AEBP2: variants seen among roughly 807,000 people sequenced by gnomAD.
AEBP2 encodes zinc finger protein AEBP2.
AEBP2 carries 10 observed loss-of-function variants against 50.8 expected under a neutral mutation model. The observed-to-expected ratio is 0.20, with a 90% CI of 0.12 to 0.33. The LOEUF is 0.33. AEBP2 is among the 10% of genes least tolerant of loss of function. The pLI, the probability that AEBP2 is intolerant of heterozygous loss-of-function variation, is 1.00. For missense variants in AEBP2, 570 were observed against 688.0 expected, an observed-to-expected ratio of 0.83 and a Z score of 1.92; for synonymous variants, 296 against 261.3, an observed-to-expected ratio of 1.13 and a Z score of -1.28.
chr12:19,477,050 T>C (rs920057386), intron 3 of AEBP2, among the ~76,000 whole-genome samples: 2 of 152,202 alleles, frequency 1.3e-5, no homozygotes, highest in African/African-American at 2.4e-5. Context: ...GGTATATTCC[T>C]AAGTATTTTA....
intron 3 of AEBP2, among the ~76,000 whole-genome samples, chr12:19,488,639 CT>C (rs1241175051): frequency 2.6e-5 from 4 of 152,220 alleles, no homozygotes; most frequent in Non-Finnish European, 4.4e-5. Flanking sequence ...CCTTGTTGAT[CT>C]TCAGAAGGAC....
At chr12:19,426,808 G>C (rs2095748774) in intron 1 of AEBP2, among the ~76,000 whole-genome samples, 1 of 152,126 alleles carries the variant, frequency 6.6e-6, no homozygotes. Context: ...GGCTGAGGCA[G>C]GAGAATCGCT....
Position 19,518,834 on chromosome 12 carries a change from G to T in AEBP2, c.*717G>T. On this transcript the variant is annotated 3_prime_UTR_variant, in exon 8 of 8. Coordinates refer to ENST00000266508, the MANE Select transcript of AEBP2 (RefSeq NM_153207.5). ...CTTTTCAGGACTAGGGCTTTCTCATGGAGTACAGTATGTTAATATTTACCT... is the reference window on the plus strand; with the variant it reads ...CTTTTCAGGACTAGGGCTTTCTCATTGAGTACAGTATGTTAATATTTACCT... 1 of 778,348 alleles carries T rather than the reference G, an allele frequency of 1.3e-6. No individual in the cohort carries two copies. Among genetic ancestry groups the T allele is most frequent in the Non-Finnish European group, 1.9e-6 (1 of 520,720 alleles). 48.2% of individuals were successfully genotyped at this position (778,348 alleles called of 1,614,324 possible).
chr12:19,473,389 ATTT>A (rs57817761), intron 3 of AEBP2, 34 bp downstream of exon 3: 2 of 553,658 alleles, frequency 3.6e-6, no homozygotes, highest in Admixed American at 6.8e-5. Flanking sequence ...TTATTTATTT[ATTT>A]ATTTATTTAT....
chr12:19,475,626 C>G lies in AEBP2; in HGVS notation c.987+2271C>G, dbSNP rs188753098. Among the ~76,000 whole-genome samples the G allele has an allele frequency of 2.6e-5, 4 of 152,196 alleles. No individual in the cohort carries two copies. The East Asian group carries it at 5.8e-4, about 22-fold the overall frequency. On this transcript the variant is annotated intron_variant, in intron 3 of 7. Coordinates refer to ENST00000266508, the MANE Select transcript of AEBP2 (RefSeq NM_153207.5). ...AGTGACAATCCCAGTAGTGGGATTG[C>G]AGGATCAAATGGTAGTTCTACTTTT... is the stretch of plus-strand genomic sequence containing the variant.
chr12:19,436,785 C>G (rs531543124), upstream of AEBP2, among the ~76,000 whole-genome samples: 1 of 151,916 alleles, frequency 6.6e-6, no homozygotes, highest in African/African-American at 2.4e-5. Context: ...TGTTTTGTAG[C>G]GATGGAGTTT....
At chr12:19,465,630 G>A (rs1407580265) in intron 2 of AEBP2, among the ~76,000 whole-genome samples, 1 of 151,970 alleles carries the variant, frequency 6.6e-6, no homozygotes, top group African/African-American at 2.4e-5. Flanking sequence ...CGACTCAAGC[G>A]ATCTGCCCGC....
At chr12:19,459,175 G>A (rs1217160881) in intron 1 of AEBP2, among the ~76,000 whole-genome samples, 2 of 152,192 alleles carry the variant, frequency 1.3e-5, no homozygotes, top group Non-Finnish European at 2.9e-5. Flanking sequence ...TAAAGCAAGT[G>A]ATAGGGAAAA....
chr12:19,434,828 A>G (rs536228572), upstream of AEBP2, among the ~76,000 whole-genome samples: 2 of 152,368 alleles, frequency 1.3e-5, no homozygotes, highest in African/African-American at 4.8e-5. Context: ...CAAGAGGAAG[A>G]CAGGGAAACT....
In AEBP2 at chr12:19,415,342, A is replaced by C. The variant is rs1290869459; in HGVS notation, c.-17+11126A>C. ...AAAAAAAAAAAAAAAAAAAAAAAAA[A>C]AAAAAAAAATATATATATATATATA... On this transcript the variant is annotated intron_variant, in intron 1 of 3. Transcript: ENST00000538425. Among the ~76,000 whole-genome samples, 6 of 37,944 alleles carry C rather than the reference A, an allele frequency of 1.6e-4. 1 individual carries two copies. Among genetic ancestry groups the C allele is most frequent in the African/African-American group, 6.6e-4 (6 of 9,142 alleles). The allele number at this position is 37,944 out of a possible 152,430, so 24.9% of individuals were successfully genotyped here.
Position 19,518,671 on chromosome 12 carries a change from G to T in AEBP2, c.*554G>T. The stretch of plus-strand genomic sequence containing the variant: ...GATTGGTTGCCATTTGTGTTCTTTT[G>T]CAGAACTCTGATAAGAAAAGTGTTC... On this transcript the variant is annotated 3_prime_UTR_variant, in exon 8 of 8. Coordinates refer to ENST00000266508, the MANE Select transcript of AEBP2 (RefSeq NM_153207.5). The T allele has an allele frequency of 6.8e-7, 1 of 1,471,704 alleles. No individual in the cohort carries two copies. The highest frequency in any genetic ancestry group is 9.2e-7 in the Non-Finnish European group (1 of 1,090,928). The allele number at this position is 1,471,704 out of a possible 1,614,324, so 91.2% of individuals were successfully genotyped here.
chr12:19,494,181 A>G lies in AEBP2; in HGVS notation c.1174+195A>G, dbSNP rs144687699. ...GCTAAGGGAGTATATGTGGCCTTCA[A>G]ATATAAACTGTATAAAATTAGATTT... On this transcript the variant is annotated intron_variant, in intron 4 of 7. Transcript: ENST00000266508. 5.3e-3 allele frequency among the ~76,000 whole-genome samples: 814 copies of G among 152,336 alleles called. 6 individuals carry two copies. Among genetic ancestry groups the G allele is most frequent in the African/African-American group, 0.019 (772 of 41,564 alleles).
chr12:19,456,272 A>C (rs1592730955), intron 1 of AEBP2: 1 of 1,527,890 alleles, frequency 6.5e-7, no homozygotes, highest in Admixed American at 1.7e-5. Context: ...CTTTCTGGGC[A>C]GATTTGGTGA....
At chr12:19,461,728 T>C (rs6486958) in intron 1 of AEBP2, among the ~76,000 whole-genome samples, 129,449 of 152,096 alleles carry the variant, frequency 0.85, 55,399 homozygotes, top group African/African-American at 0.93. Flanking sequence ...CCAGGCTGGT[T>C]TCAAACTCCT....
In AEBP2 at chr12:19,508,202, T is replaced by C. The variant is rs180988068; in HGVS notation, c.1300-4196T>C. Among the ~76,000 whole-genome samples, 63 of 152,252 alleles carry C rather than the reference T, an allele frequency of 4.1e-4. 2 individuals are homozygous for C. Among genetic ancestry groups the C allele is most frequent in the African/African-American group, 1.2e-3 (48 of 41,542 alleles). ...AGTATTTATTTGACTACAGACTTTT[T>C]TTGTTGTTTTTAAAAAAACCATATT... On this transcript the variant is annotated intron_variant, in intron 5 of 7. Coordinates refer to ENST00000266508, the MANE Select transcript of AEBP2 (RefSeq NM_153207.5).
intron 1 of AEBP2, among the ~76,000 whole-genome samples, chr12:19,461,583 C>T (rs1022054823): frequency 1.3e-4 from 20 of 151,970 alleles, no homozygotes; most frequent in African/African-American, 4.8e-4. Context: ...GATCTCGGCT[C>T]ACTCCAACCT....
chr12:19,513,620 T>G (rs1949269480), intron 6 of AEBP2, among the ~76,000 whole-genome samples: 1 of 151,994 alleles, frequency 6.6e-6, no homozygotes, highest in Admixed American at 6.6e-5. Context: ...AGAAATTAGC[T>G]GGTTGTGATG....
At chr12:19,452,504 C>CTTTTTT (rs753170316) in intron 1 of AEBP2, among the ~76,000 whole-genome samples, 2,343 of 147,646 alleles carry the variant, frequency 0.016, 27 homozygotes, top group South Asian at 0.026. Context: ...TTTTCTTTTT[C>CTTTTTT]TTTTTTTTTT....
At chr12:19,440,539 C>CAGCGCCCCTCTT in intron 1 of AEBP2, 169 bp downstream of exon 1, 1 of 1,373,478 alleles carries the variant, frequency 7.3e-7, no homozygotes, top group Non-Finnish European at 9.4e-7. Flanking sequence ...GCGCCCCTCT[C>CAGCGCCCCTCTT]GCAGCGCATC....
Sources: allele counts gnomAD v4.1 joint callset (sites outside exome capture counted in the v4.1 genomes callset), GRCh38; gene constraint gnomAD v4.1.1; transcripts MANE v1.5; gene names NCBI Gene and HGNC (gene_info 2026-07-23, HGNC 2026-07-21).